LIN9: variants seen among roughly 807,000 people sequenced by gnomAD.
LIN9 encodes lin-9 DREAM MuvB core complex component.
Under a neutral mutation model 78.0 loss-of-function variants are expected in LIN9, and 18 were observed. The observed-to-expected ratio is 0.23, with a 90% CI of 0.16 to 0.34. The LOEUF is 0.34. Ranked by LOEUF, LIN9 falls within the 10% of genes least tolerant of loss-of-function variation. The pLI is 1.00. For missense variants in LIN9, 451 were observed against 644.1 expected (o/e 0.70, Z 3.25); for synonymous variants, 192 against 215.2 (o/e 0.89, Z 0.94).
rs552940220 is a variant in LIN9 at position 226,232,083 on chromosome 1, G to A, written c.*418C>T. 4.0e-4 allele frequency: 159 copies of A among 398,536 alleles called. No homozygotes were observed. The highest frequency in any genetic ancestry group is 3.1e-3 in the African/African-American group (150 of 48,660). The allele number at this position is 398,536 out of a possible 1,614,324, so 24.7% of individuals were successfully genotyped here. On this transcript the variant is annotated 3_prime_UTR_variant, in exon 15 of 15. Coordinates refer to ENST00000681046, the MANE Select transcript of LIN9 (RefSeq NM_001366245.2). ...AAATCAAGTGGAGTTGTAATTTTCT[G>A]GATGGAATTTCCACACTGCCACCGA...
At chr1:226,299,504 CAAA>C (rs34440310) in intron 2 of LIN9, among the ~76,000 whole-genome samples, 5 of 88,924 alleles carry the variant, frequency 5.6e-5, no homozygotes, top group Admixed American at 2.5e-4. Context: ...GACTCAGTCT[CAAA>C]AAAAAAAAAA....
chr1:226,286,873 G>A (rs1233814990), intron 5 of LIN9, among the ~76,000 whole-genome samples: 2 of 152,142 alleles, frequency 1.3e-5, no homozygotes, highest in East Asian at 3.9e-4. Flanking sequence ...AGATTAGCTT[G>A]GGGGATCCCA....
chr1:226,233,471 C>A lies in LIN9; in HGVS notation c.1298G>T (p.Arg433Leu). Residue 433 changes from arginine (R) to leucine (L), a missense_variant, in exon 13 of 15, where the codon CGC becomes CTC. Arg to Leu is a moderately radical substitution (Grantham distance 102). Coordinates refer to ENST00000681046, the MANE Select transcript of LIN9 (RefSeq NM_001366245.2). ...TTCCTGTGCTTCTTCCTCACACCTG[C>A]GTCTCATATCTGTTGGCTGATCTGC... The part of the protein sequence containing the change: ...QPADQPTDMR[R>L]RCEEEAQEIV... 2 of 1,614,128 alleles carry A rather than the reference C, an allele frequency of 1.2e-6. No individual in the cohort carries two copies. The highest frequency in any genetic ancestry group is 1.1e-5 in the South Asian group (1 of 91,082).
At chr1:226,237,005 T>C (rs140608204) in intron 12 of LIN9, among the ~76,000 whole-genome samples, 37 of 152,332 alleles carry the variant, frequency 2.4e-4, no homozygotes, top group Middle Eastern at 3.4e-3. Flanking sequence ...TTTTGGTATA[T>C]ATTGAGAAGT....
rs145896802 is a variant in LIN9 at position 226,232,711 on chromosome 1, T to C, written c.1524-105A>G. 7,822 of 617,412 alleles carry C rather than the reference T, an allele frequency of 0.013. 57 individuals carry two copies. The highest frequency in any genetic ancestry group is 0.015 in the Non-Finnish European group (5,419 of 357,686). The allele number at this position is 617,412 out of a possible 1,614,324, so 38.2% of individuals were successfully genotyped here. ...AGTTAGGAAACAGCTATGATAAATC[T>C]TAGGGAAGGAATAAATCTCCTCTAA... On this transcript the variant is annotated intron_variant, in intron 14 of 14. Transcript: ENST00000681046.
intron 6 of LIN9, among the ~76,000 whole-genome samples, chr1:226,278,622 G>A (rs1234517591): frequency 1.4e-4 from 21 of 150,464 alleles, no homozygotes; most frequent in African/African-American, 4.7e-4. Context: ...TCAGGAGTTC[G>A]AGACTAACCT....
chr1:226,254,628 T>C (rs931812647), intron 10 of LIN9, among the ~76,000 whole-genome samples: 6 of 151,894 alleles, frequency 4.0e-5, no homozygotes, highest in African/African-American at 1.5e-4. Flanking sequence ...TCAATGACAC[T>C]TGGCCAGGCG....
intron 6 of LIN9, among the ~76,000 whole-genome samples, chr1:226,278,604 A>C (rs1437005295): frequency 7.2e-6 from 1 of 139,016 alleles, no homozygotes; most frequent in Admixed American, 7.3e-5. Flanking sequence ...CGGGTGGATG[A>C]CCTGAGGTCA....
In LIN9 at chr1:226,302,227, T is replaced by A. The variant is rs139642155; in HGVS notation, c.32-1022A>T. On this transcript the variant is annotated intron_variant, in intron 1 of 14. Coordinates refer to ENST00000681046, the MANE Select transcript of LIN9 (RefSeq NM_001366245.2). ...GTTCTGGTGTGAATGAATTATAGGA[T>A]CTATGGGTAGGGAAAGTAGAAAAAT... Among the ~76,000 whole-genome samples, 637 of 152,232 alleles carry A rather than the reference T, an allele frequency of 4.2e-3. 26 individuals are homozygous for A. In the South Asian group the frequency reaches 0.076, roughly 18 times the overall value.
chr1:226,288,358 C>T (rs939426479), intron 4 of LIN9, among the ~76,000 whole-genome samples: 11 of 152,086 alleles, frequency 7.2e-5, no homozygotes, highest in Admixed American at 3.9e-4. Context: ...ACGATGAGAA[C>T]GACAAATATT....
intron 1 of LIN9, among the ~76,000 whole-genome samples, chr1:226,303,749 G>A (rs929197538): frequency 3.3e-5 from 5 of 152,178 alleles, no homozygotes; most frequent in Admixed American, 3.3e-4. Context: ...TAGGATTACA[G>A]GTGCATGCCA....
At chr1:226,309,024 G>T in intron 1 of LIN9, 85 bp downstream of exon 1, 1 of 1,259,722 alleles carries the variant, frequency 7.9e-7, no homozygotes, top group South Asian at 3.2e-5. Context: ...GCCCAGCGGA[G>T]GGCACGGCCG....
intron 11 of LIN9, among the ~76,000 whole-genome samples, chr1:226,245,109 C>T (rs1054282042): frequency 1.5e-4 from 23 of 152,276 alleles, no homozygotes; most frequent in African/African-American, 4.1e-4. Context: ...TCTGAAGGCT[C>T]ACTGAAAATC....
intron 11 of LIN9, among the ~76,000 whole-genome samples, chr1:226,249,450 G>C (rs1176306586): frequency 1.3e-5 from 2 of 152,214 alleles, no homozygotes; most frequent in African/African-American, 4.8e-5. Flanking sequence ...AAAGAGAGCA[G>C]TATGATCTTA....
chr1:226,290,311 TAAAACA>T (rs954592401), intron 4 of LIN9, among the ~76,000 whole-genome samples: 4 of 150,484 alleles, frequency 2.7e-5, no homozygotes, highest in Admixed American at 6.6e-5. Context: ...AAATGCCAAC[TAAAACA>T]AGTGAGAGGC....
intron 10 of LIN9, among the ~76,000 whole-genome samples, chr1:226,258,395 G>A (rs947424238): frequency 6.6e-6 from 1 of 151,480 alleles, no homozygotes; most frequent in Non-Finnish European, 1.5e-5. Context: ...TAGCTACTTG[G>A]GAGGCTGAGG....
At chr1:226,298,935 T>A (rs1254232921) in intron 2 of LIN9, among the ~76,000 whole-genome samples, 1 of 152,168 alleles carries the variant, frequency 6.6e-6, no homozygotes, top group Non-Finnish European at 1.5e-5. Context: ...TATTTCTGTT[T>A]TCCTTAATTC....
At chr1:226,250,468 A>G (rs1202847874) in intron 11 of LIN9, among the ~76,000 whole-genome samples, 1 of 152,254 alleles carries the variant, frequency 6.6e-6, no homozygotes, top group African/African-American at 2.4e-5. Flanking sequence ...GGGGCAATGC[A>G]CTGCCAATTT....
rs1293995916 is a variant in LIN9 at position 226,233,538 on chromosome 1, T to C, written c.1246-15A>G. The C allele has an allele frequency of 3.8e-6, 6 of 1,590,288 alleles. No individual in the cohort carries two copies. Among genetic ancestry groups the C allele is most frequent in the Admixed American group, 3.6e-5 (2 of 55,496 alleles). On this transcript the variant is annotated splice_polypyrimidine_tract_variant and intron_variant, in intron 12 of 14. Coordinates refer to ENST00000681046, the MANE Select transcript of LIN9 (RefSeq NM_001366245.2). ...TCTGGAGCAAGCTGAATACAGATGA[T>C]TGAAGCATGAGACGCATGTTCGAGA...
Sources: allele counts gnomAD v4.1 joint callset (sites outside exome capture counted in the v4.1 genomes callset), GRCh38; gene constraint gnomAD v4.1.1; transcripts MANE v1.5; gene names NCBI Gene and HGNC (gene_info 2026-07-23, HGNC 2026-07-21).